PFDN5: variants seen among roughly 807,000 people sequenced by gnomAD.
PFDN5 encodes c-myc binding protein.
In PFDN5, 13 loss-of-function variants were observed where a neutral mutation model predicts 21.5. The ratio of observed to expected loss-of-function variants is 0.60; its 90% CI spans 0.39 to 0.96. The LOEUF (loss-of-function observed/expected upper bound fraction) is 0.96. Among genes scored for constraint, PFDN5 ranks in the 40% least tolerant of loss-of-function variants. The probability of loss-of-function intolerance (pLI) is 0.00; values close to 1 mark genes in which losing one functional copy is unlikely to be tolerated. For synonymous variants in PFDN5, 84 were observed against 68.9 expected (o/e 1.22, Z -1.08); for missense variants, 188 against 186.2 (o/e 1.01, Z -0.06).
Position 53,298,271 on chromosome 12 carries a change from A to C in PFDN5, c.388+121A>C, listed in dbSNP as rs1944180676. 3 of 682,604 alleles carry C rather than the reference A, an allele frequency of 4.4e-6. No individual in the cohort carries two copies. The African/African-American group carries it at 5.3e-5, about 12-fold the overall frequency. The allele number at this position is 682,604 out of a possible 1,614,324, so 42.3% of individuals were successfully genotyped here. On this transcript the variant is annotated intron_variant, in intron 5 of 5. Transcript: ENST00000334478. ...AACTATGTCTTAGTTTCTCTTTGGC[A>C]TCTTTAGAATCTGTGTATTGCATAA...
At chr12:53,296,119 C>CT (rs1444846501) in intron 2 of PFDN5, 125 bp from the exon 3 acceptor site, 17 of 849,798 alleles carry the variant, frequency 2.0e-5, no homozygotes, top group Non-Finnish European at 3.4e-5. Flanking sequence ...TCCTCTGCTC[C>CT]TATTGCCCCT....
intron 3 of PFDN5, 73 bp from the exon 4 acceptor site, chr12:53,297,777 C>A: frequency 8.9e-7 from 1 of 1,128,922 alleles, no homozygotes; most frequent in Non-Finnish European, 1.4e-6. Context: ...TCTTTGGAGG[C>A]CAAGCAGGCT....
Position 53,295,659 on chromosome 12 carries a change from G to A in PFDN5, c.72+20G>A. 6.2e-7 allele frequency: 1 copy of A among 1,604,460 alleles called. No individual in the cohort carries two copies. Among genetic ancestry groups the A allele is most frequent in the Non-Finnish European group, 8.5e-7 (1 of 1,171,238 alleles). ...GACCAGGTGGGGACGGGCCCCAGAG[G>A]CACCTCTTTCCTGCTCTACATCCCC... On this transcript the variant is annotated intron_variant, in intron 1 of 5. Coordinates refer to ENST00000334478, the MANE Select transcript of PFDN5 (RefSeq NM_002624.4).
intron 3 of PFDN5, chr12:53,297,365 G>A (rs1357576970): frequency 6.3e-6 from 1 of 159,750 alleles, no homozygotes; most frequent in Non-Finnish European, 1.4e-5. Flanking sequence ...AGAGGCAGAG[G>A]TTGCAGTGAG....
chr12:53,299,103 T>A (rs1415970066), intron 5 of PFDN5, 166 bp from the exon 6 acceptor site: 2 of 448,136 alleles, frequency 4.5e-6, no homozygotes, highest in South Asian at 2.1e-5. Context: ...GCCACTGCAC[T>A]CCAGCCTCGG....
chr12:53,296,036 TC>T, intron 2 of PFDN5, 95 bp downstream of exon 2: 1 of 829,822 alleles, frequency 1.2e-6, no homozygotes, highest in East Asian at 2.6e-5. Flanking sequence ...AACGAGAAAA[TC>T]CATTACATAT....
In PFDN5 at chr12:53,299,396, G is replaced by A. The variant is rs755658844; in HGVS notation, c.*51G>A. The A allele has an allele frequency of 6.0e-6, 7 of 1,174,728 alleles. No individual in the cohort carries two copies. The South Asian group carries it at 8.7e-5, about 15-fold the overall frequency. 72.8% of individuals were successfully genotyped at this position (1,174,728 alleles called of 1,614,324 possible). A position where few individuals can be genotyped will look rare whatever the true frequency, so the allele number is the denominator to read the frequency against. Reference sequence around the variant, plus strand: ...GGACACCCTTTGGGCGTGGCTTCCTGGTGATGGGAAGGGTCTTGTGTTTTA... The same window carrying A: ...GGACACCCTTTGGGCGTGGCTTCCTAGTGATGGGAAGGGTCTTGTGTTTTA... On this transcript the variant is annotated 3_prime_UTR_variant, in exon 6 of 6. Coordinates refer to ENST00000334478, the MANE Select transcript of PFDN5 (RefSeq NM_002624.4).
At chr12:53,296,321 CCTT>C (rs1178629471) in intron 3 of PFDN5, 46 bp downstream of exon 3, 1 of 1,476,728 alleles carries the variant, frequency 6.8e-7, no homozygotes, top group Non-Finnish European at 9.4e-7. Context: ...CTCCCTTTCT[CCTT>C]CACTCCCCCA....
intron 3 of PFDN5, chr12:53,297,261 T>C (rs1202900551): frequency 6.5e-6 from 1 of 153,962 alleles, no homozygotes; most frequent in Non-Finnish European, 1.4e-5. Flanking sequence ...AAACCCTGTC[T>C]TTACTAAATA....
In PFDN5 at chr12:53,299,413, T is replaced by C. The variant is rs1057446725; in HGVS notation, c.*68T>C. 5 of 978,166 alleles carry C rather than the reference T, an allele frequency of 5.1e-6. No homozygotes were observed. Among genetic ancestry groups the C allele is most frequent in the Non-Finnish European group, 8.0e-6 (5 of 624,020 alleles). The allele number at this position is 978,166 out of a possible 1,614,324, so 60.6% of individuals were successfully genotyped here. A position where few individuals can be genotyped will look rare whatever the true frequency, so the allele number is the denominator to read the frequency against. The stretch of plus-strand genomic sequence containing the variant: ...GGCTTCCTGGTGATGGGAAGGGTCT[T>C]GTGTTTTAATGCCAATAAATGTGCC... On this transcript the variant is annotated 3_prime_UTR_variant, in exon 6 of 6. Transcript: ENST00000334478.
chr12:53,299,188 C>T, intron 5 of PFDN5, 81 bp from the exon 6 acceptor site: 3 of 904,840 alleles, frequency 3.3e-6, no homozygotes, highest in Non-Finnish European at 5.4e-6. Flanking sequence ...GGTCGCCTGT[C>T]CTTAAACTTG....
intron 3 of PFDN5, 128 bp downstream of exon 3, chr12:53,296,403 C>G (rs1384637059): frequency 4.7e-6 from 3 of 641,812 alleles, no homozygotes; most frequent in Non-Finnish European, 7.7e-6. Flanking sequence ...TTGAGGATAC[C>G]CTTTTTTTTT....
chr12:53,296,122 T>C (rs1036092522), intron 2 of PFDN5, 122 bp from the exon 3 acceptor site: 13 of 862,156 alleles, frequency 1.5e-5, no homozygotes, highest in Non-Finnish European at 2.3e-5. Flanking sequence ...TCTGCTCCTA[T>C]TGCCCCTGTT....
Position 53,299,375 on chromosome 12 carries a change from ACCCTTTGGGCGTGGCTTCCTGG to A in PFDN5, c.*31_*52del. On this transcript the variant is annotated 3_prime_UTR_variant, in exon 6 of 6. Transcript: ENST00000334478. ...TTTTGCAGAAATGGGGCAGAGGGAC[ACCCTTTGGGCGTGGCTTCCTGG>A]TGATGGGAAGGGTCTTGTGTTTTAA... is the stretch of plus-strand genomic sequence containing the variant. 1 of 1,455,690 alleles carries A rather than the reference ACCCTTTGGGCGTGGCTTCCTGG, an allele frequency of 6.9e-7. No homozygotes were observed. Among genetic ancestry groups the A allele is most frequent in the Non-Finnish European group, 9.6e-7 (1 of 1,045,000 alleles). 90.2% of individuals were successfully genotyped at this position (1,455,690 alleles called of 1,614,324 possible).
At chr12:53,299,236 C>T in intron 5 of PFDN5, 33 bp from the exon 6 acceptor site, 2 of 1,506,288 alleles carry the variant, frequency 1.3e-6, no homozygotes, top group Non-Finnish European at 1.8e-6. Flanking sequence ...CTCCTTTTTG[C>T]TTCTAACCTT....
In PFDN5 at chr12:53,295,550, T is replaced by C. The variant is rs139295129; in HGVS notation, c.-18T>C. 175 of 1,607,950 alleles carry C rather than the reference T, an allele frequency of 1.1e-4. No homozygotes were observed. In the African/African-American group the frequency reaches 2.1e-3, roughly 19 times the overall value. On this transcript the variant is annotated 5_prime_UTR_variant, in exon 1 of 6. Coordinates refer to ENST00000334478, the MANE Select transcript of PFDN5 (RefSeq NM_002624.4). ...GCTCGCCGAGAGACTTCCTCTTCGT[T>C]AAGTCGGCCTTCCCAACATGGCGCA...
Position 53,298,222 on chromosome 12 carries a change from G to C in PFDN5, c.388+72G>C. 3.2e-6 allele frequency: 3 copies of C among 923,246 alleles called. No individual in the cohort carries two copies. The Admixed American group carries it at 5.2e-5, about 16-fold the overall frequency. The allele number at this position is 923,246 out of a possible 1,614,324, so 57.2% of individuals were successfully genotyped here. Reference sequence around the variant, plus strand: ...AACATGGATTGCAGTGTGAACCACGGGGGTGTCCCCTTTGCTGGAGTAAAA... The same window carrying C: ...AACATGGATTGCAGTGTGAACCACGCGGGTGTCCCCTTTGCTGGAGTAAAA... On this transcript the variant is annotated intron_variant, in intron 5 of 5. Transcript: ENST00000334478.
intron 3 of PFDN5, chr12:53,297,013 A>C (rs1273070228): frequency 6.5e-6 from 1 of 153,540 alleles, no homozygotes; most frequent in Non-Finnish European, 1.4e-5. Flanking sequence ...GATTGTGTTC[A>C]CTTGTTCAGT....
Position 53,299,380 on chromosome 12 carries a change from T to G in PFDN5, c.*35T>G. ...CAGAAATGGGGCAGAGGGACACCCTTTGGGCGTGGCTTCCTGGTGATGGGA... is the reference window on the plus strand; with the variant it reads ...CAGAAATGGGGCAGAGGGACACCCTGTGGGCGTGGCTTCCTGGTGATGGGA... On this transcript the variant is annotated 3_prime_UTR_variant, in exon 6 of 6. Transcript: ENST00000334478. 5 of 1,385,870 alleles carry G rather than the reference T, an allele frequency of 3.6e-6. No individual in the cohort carries two copies. Among genetic ancestry groups the G allele is most frequent in the Non-Finnish European group, 5.1e-6 (5 of 982,844 alleles). The allele number at this position is 1,385,870 out of a possible 1,614,324, so 85.8% of individuals were successfully genotyped here.
Sources: gnomAD v4.1 joint callset for allele counts on GRCh38, gnomAD v4.1.1 for gene constraint, MANE v1.5 for transcripts, NCBI Gene and HGNC (gene_info 2026-07-23, HGNC 2026-07-21) for gene names.